FRMD4A: variants seen among roughly 807,000 people sequenced by gnomAD.
The protein encoded by FRMD4A is FERM domain containing 4A, also known as FERM domain-containing protein 4A.
FRMD4A carries 29 observed loss-of-function variants against 129.1 expected under a neutral mutation model. That is an observed-to-expected ratio of 0.22 (90% CI 0.17 to 0.31). FRMD4A has a LOEUF of 0.31. Among genes scored for constraint, FRMD4A ranks in the 10% least tolerant of loss-of-function variants. FRMD4A has a pLI of 1.00. For missense variants in FRMD4A, 1,272 were observed against 1,375.8 expected, an observed-to-expected ratio of 0.92 and a Z score of 1.19; for synonymous variants, 634 against 571.6, an observed-to-expected ratio of 1.11 and a Z score of -1.56.
At chr10:13,851,590 T>C (rs1315164994) in intron 3 of FRMD4A, among the ~76,000 whole-genome samples, 1 of 151,964 alleles carries the variant, frequency 6.6e-6, no homozygotes, top group African/African-American at 2.4e-5. Flanking sequence ...ACGTGAGGGA[T>C]CTAGTTTGCA....
chr10:14,325,653 C>T (rs151052361), intron 2 of FRMD4A, among the ~76,000 whole-genome samples: 340 of 152,352 alleles, frequency 2.2e-3, no homozygotes, highest in African/African-American at 7.9e-3. Flanking sequence ...CTGCGTATCT[C>T]CAACCTGTCT....
intron 15 of FRMD4A, among the ~76,000 whole-genome samples, chr10:13,677,110 C>A (rs1316697838): frequency 6.6e-6 from 1 of 152,202 alleles, no homozygotes; most frequent in Non-Finnish European, 1.5e-5. Context: ...TATTTAACGT[C>A]TCTGAGCAGA....
intron 3 of FRMD4A, among the ~76,000 whole-genome samples, chr10:13,825,012 G>A (rs1224089398): frequency 6.6e-6 from 1 of 151,994 alleles, no homozygotes; most frequent in Non-Finnish European, 1.5e-5. Context: ...CTCATTCCTG[G>A]GGGACACTTT....
At chr10:14,001,753 C>G (rs182808745) in intron 2 of FRMD4A, among the ~76,000 whole-genome samples, 6 of 152,218 alleles carry the variant, frequency 3.9e-5, no homozygotes, top group South Asian at 4.1e-4. Flanking sequence ...TCCAGAGAGG[C>G]GTATATTTAT....
intron 14 of FRMD4A, among the ~76,000 whole-genome samples, chr10:13,695,416 C>A (rs1042453875): frequency 1.3e-5 from 2 of 152,232 alleles, no homozygotes; most frequent in Non-Finnish European, 2.9e-5. Flanking sequence ...GCTGGGATTA[C>A]AGGCGTGAGC....
intron 12 of FRMD4A, among the ~76,000 whole-genome samples, chr10:13,714,021 A>AAATACATATATATAAAATATATATTTT (rs1225477259): frequency 6.8e-4 from 1 of 1,478 alleles, no homozygotes; most frequent in African/African-American, 1.2e-3. Context: ...ACATATATAA[A>AAATACATATATATAAAATATATATTTT]ATATACATAT....
At chr10:14,237,771 G>A (rs1843881365) in intron 2 of FRMD4A, among the ~76,000 whole-genome samples, 1 of 152,192 alleles carries the variant, frequency 6.6e-6, no homozygotes, top group African/African-American at 2.4e-5. Flanking sequence ...TCTTCATTAT[G>A]TTGACCACTT....
chr10:14,246,559 ACAAT>A (rs1157131196), intron 2 of FRMD4A, among the ~76,000 whole-genome samples: 1 of 152,234 alleles, frequency 6.6e-6, no homozygotes, highest in Admixed American at 6.5e-5. Flanking sequence ...ATGTATTTAC[ACAAT>A]CACATATGTA....
chr10:14,240,826 G>A (rs1270083440), intron 2 of FRMD4A, among the ~76,000 whole-genome samples: 2 of 151,878 alleles, frequency 1.3e-5, no homozygotes, highest in Non-Finnish European at 2.9e-5. Context: ...AAACTATGGT[G>A]TGTGGTATAA....
intron 8 of FRMD4A, among the ~76,000 whole-genome samples, chr10:13,749,347 T>C (rs1340799781): frequency 6.6e-6 from 1 of 152,186 alleles, no homozygotes; most frequent in Non-Finnish European, 1.5e-5. Flanking sequence ...CAGGTATAAC[T>C]GTTTCATTTT....
chr10:13,881,098 G>A (rs1041404935), intron 2 of FRMD4A, among the ~76,000 whole-genome samples: 5 of 152,050 alleles, frequency 3.3e-5, no homozygotes, highest in African/African-American at 1.2e-4. Flanking sequence ...GCCAGCTGGG[G>A]TTTGCCAGGG....
At chr10:14,233,827 C>G (rs1251585508) in intron 2 of FRMD4A, among the ~76,000 whole-genome samples, 1 of 152,182 alleles carries the variant, frequency 6.6e-6, no homozygotes, top group African/African-American at 2.4e-5. Context: ...ATTTCAAGAG[C>G]TAAAGTCAGA....
chr10:14,046,586 A>G (rs181187304), intron 2 of FRMD4A, among the ~76,000 whole-genome samples: 19 of 152,258 alleles, frequency 1.2e-4, no homozygotes, highest in Non-Finnish European at 2.8e-4. Context: ...GGTAGAGGTA[A>G]TTTTCAACTC....
At chr10:13,997,137 T>C (rs2095625432) in intron 2 of FRMD4A, among the ~76,000 whole-genome samples, 1 of 152,146 alleles carries the variant, frequency 6.6e-6, no homozygotes, top group Non-Finnish European at 1.5e-5. Context: ...TCTTTCATCT[T>C]CTCTCTTGCC....
chr10:13,773,055 T>C (rs4750411), intron 6 of FRMD4A, among the ~76,000 whole-genome samples: 112,218 of 152,118 alleles, frequency 0.74, 45,039 homozygotes, highest in East Asian at 1. Context: ...CAAAATATCT[T>C]ATGTACCCCA....
chr10:14,204,123 A>T (rs1165495213), intron 2 of FRMD4A, among the ~76,000 whole-genome samples: 1 of 152,156 alleles, frequency 6.6e-6, no homozygotes, highest in Non-Finnish European at 1.5e-5. Flanking sequence ...GGAGAGACTC[A>T]CTTAGAGGTA....
intron 2 of FRMD4A, among the ~76,000 whole-genome samples, chr10:14,058,940 G>GA (rs35015590): frequency 0.81 from 123,082 of 151,994 alleles, 50,768 homozygotes; most frequent in Non-Finnish European, 0.89. Context: ...ATGATCAAGG[G>GA]AAAAATGCCC....
chr10:13,649,795 A>G (rs2081400414), intron 24 of FRMD4A, among the ~76,000 whole-genome samples: 1 of 152,240 alleles, frequency 6.6e-6, no homozygotes, highest in Non-Finnish European at 1.5e-5. Flanking sequence ...GCCATGTGCT[A>G]CGAAAGAGAC....
chr10:14,033,326 T>C (rs1833340987), intron 2 of FRMD4A, among the ~76,000 whole-genome samples: 2 of 151,866 alleles, frequency 1.3e-5, no homozygotes, highest in Admixed American at 1.3e-4. Flanking sequence ...AAAAAAATTA[T>C]TTTAGATTCA....
Sources: allele counts gnomAD v4.1 joint callset (sites outside exome capture counted in the v4.1 genomes callset), GRCh38; gene constraint gnomAD v4.1.1; transcripts MANE v1.5; gene names NCBI Gene and HGNC (gene_info 2026-07-23, HGNC 2026-07-21).